GRID1: variants seen among roughly 807,000 people sequenced by gnomAD.
GRID1 encodes the protein glutamate receptor ionotropic, delta-1.
GRID1 carries 28 observed loss-of-function variants against 98.0 expected under a neutral mutation model. The observed-to-expected ratio is 0.29, with a 90% CI of 0.21 to 0.39. GRID1 has a LOEUF of 0.39. Among genes scored for constraint, GRID1 ranks in the 10% least tolerant of loss-of-function variants. The pLI, the probability that GRID1 is intolerant of heterozygous loss-of-function variation, is 1.00. For synonymous variants in GRID1, 553 were observed against 538.5 expected (o/e 1.03, Z -0.37); for missense variants, 1,111 against 1,340.5 (o/e 0.83, Z 2.67).
At chr10:86,337,655 G>C (rs1218836530) in intron 2 of GRID1, among the ~76,000 whole-genome samples, 1 of 147,012 alleles carries the variant, frequency 6.8e-6, no homozygotes, top group Non-Finnish European at 1.5e-5. Flanking sequence ...CAGTTTATTT[G>C]CTCACCTTAT....
At chr10:86,101,782 T>C (rs1396499211) in intron 4 of GRID1, among the ~76,000 whole-genome samples, 1 of 152,094 alleles carries the variant, frequency 6.6e-6, no homozygotes, top group Non-Finnish European at 1.5e-5. Context: ...TGGGACTACA[T>C]GGCATGCACT....
chr10:85,958,984 A>G (rs1434764198), intron 4 of GRID1, among the ~76,000 whole-genome samples: 1 of 151,846 alleles, frequency 6.6e-6, no homozygotes, highest in Non-Finnish European at 1.5e-5. Context: ...AAAGAAAGAA[A>G]GAAAGAAAAA....
intron 2 of GRID1, among the ~76,000 whole-genome samples, chr10:86,292,518 G>C (rs908793947): frequency 1.3e-5 from 2 of 152,196 alleles, no homozygotes; most frequent in Admixed American, 1.3e-4. Context: ...GATAAGCGTC[G>C]CCCCTGGCAC....
chr10:85,787,590 C>T (rs1242486097), intron 8 of GRID1, among the ~76,000 whole-genome samples: 1 of 152,194 alleles, frequency 6.6e-6, no homozygotes, highest in Non-Finnish European at 1.5e-5. Flanking sequence ...CCAGCCAGCT[C>T]CATTTCCCTT....
At chr10:86,181,973 C>A (rs1845662080) in intron 3 of GRID1, among the ~76,000 whole-genome samples, 1 of 152,222 alleles carries the variant, frequency 6.6e-6, no homozygotes, top group South Asian at 2.1e-4. Flanking sequence ...GAATTTACAA[C>A]TTAGTGTTGC....
chr10:85,981,938 G>C (rs1335283714), intron 4 of GRID1, among the ~76,000 whole-genome samples: 2 of 152,220 alleles, frequency 1.3e-5, no homozygotes, highest in East Asian at 1.9e-4. Flanking sequence ...AAAGGCCTCT[G>C]TGATGAGGCA....
intron 4 of GRID1, among the ~76,000 whole-genome samples, chr10:86,131,687 G>A (rs1271688178): frequency 3.9e-5 from 6 of 152,186 alleles, no homozygotes; most frequent in Non-Finnish European, 5.9e-5. Context: ...GCGGCACTCA[G>A]GCCTTTTTCC....
intron 12 of GRID1, among the ~76,000 whole-genome samples, chr10:85,664,542 T>C (rs1336085994): frequency 6.6e-6 from 1 of 152,194 alleles, no homozygotes; most frequent in Non-Finnish European, 1.5e-5. Context: ...TGAGGAAGCA[T>C]TGTCAACGTA....
intron 8 of GRID1, among the ~76,000 whole-genome samples, chr10:85,831,867 A>G (rs563466961): frequency 6.6e-6 from 1 of 152,224 alleles, no homozygotes; most frequent in South Asian, 2.1e-4. Context: ...ACACAAAAAT[A>G]AATTATCTAA....
chr10:85,914,370 T>A (rs1450274734), intron 5 of GRID1, among the ~76,000 whole-genome samples: 1 of 152,108 alleles, frequency 6.6e-6, no homozygotes, highest in African/African-American at 2.4e-5. Context: ...CAGGGCCACA[T>A]GGAATGCATC....
chr10:86,053,881 T>C (rs1843538320), intron 4 of GRID1, among the ~76,000 whole-genome samples: 2 of 152,282 alleles, frequency 1.3e-5, no homozygotes, highest in East Asian at 1.9e-4. Flanking sequence ...CTCACACACG[T>C]GTGCACACAT....
intron 14 of GRID1, among the ~76,000 whole-genome samples, chr10:85,617,969 G>T (rs935237525): frequency 3.9e-5 from 6 of 152,092 alleles, no homozygotes; most frequent in African/African-American, 1.4e-4. Context: ...CACTCCTTCT[G>T]CCCCCAGCAA....
intron 3 of GRID1, among the ~76,000 whole-genome samples, chr10:86,158,395 C>T (rs545726854): frequency 7.2e-5 from 11 of 152,194 alleles, no homozygotes; most frequent in Admixed American, 1.3e-4. Context: ...CTACGATGAC[C>T]ATCATCAGAA....
In GRID1 at chr10:85,613,527, C is replaced by T. The variant is rs760165703; in HGVS notation, c.2481G>A (p.Lys827=). Residue 827 remains lysine (K), a synonymous_variant, in exon 15 of 16, where the codon AAG becomes AAA. Coordinates refer to ENST00000327946, the MANE Select transcript of GRID1 (RefSeq NM_017551.3). ...AGAAGACCCCGGCGAAGCTGTGCAG[C>T]TTGAGGGATTTGCCGTCGGCCTGGG... is the stretch of plus-strand genomic sequence containing the variant. The part of the protein sequence containing the change: ...ASAQADGKSL[K]LHSFAGVFCI... The T allele has an allele frequency of 4.3e-6, 7 of 1,614,202 alleles. No individual in the cohort carries two copies. The Admixed American group carries it at 1.0e-4, about 23-fold the overall frequency.
At chr10:86,086,318 AT>A (rs1844055630) in intron 4 of GRID1, among the ~76,000 whole-genome samples, 1 of 152,208 alleles carries the variant, frequency 6.6e-6, no homozygotes, top group Admixed American at 6.5e-5. Context: ...TGGCACCCAG[AT>A]TTGGCACTAG....
At chr10:85,787,830 A>G (rs894253992) in intron 8 of GRID1, among the ~76,000 whole-genome samples, 9 of 151,874 alleles carry the variant, frequency 5.9e-5, no homozygotes, top group Admixed American at 5.9e-4. Context: ...GGGCCCCCAC[A>G]CCACCAGCCA....
intron 4 of GRID1, among the ~76,000 whole-genome samples, chr10:86,134,384 T>A (rs1477481848): frequency 6.6e-6 from 1 of 152,150 alleles, no homozygotes; most frequent in African/African-American, 2.4e-5. Flanking sequence ...GAGAGGTGGA[T>A]GACAGATGAA....
intron 12 of GRID1, among the ~76,000 whole-genome samples, chr10:85,717,787 A>G (rs1841656060): frequency 1.3e-5 from 2 of 152,230 alleles, no homozygotes; most frequent in Non-Finnish European, 2.9e-5. Context: ...CTGTAAAATC[A>G]AAAGCAAGCT....
intron 4 of GRID1, among the ~76,000 whole-genome samples, chr10:85,953,243 G>A (rs1409694936): frequency 6.6e-6 from 1 of 152,086 alleles, no homozygotes; most frequent in African/African-American, 2.4e-5. Context: ...GGAGCTGGAG[G>A]CCATTATTCT....
Sources: allele counts gnomAD v4.1 joint callset (sites outside exome capture counted in the v4.1 genomes callset), GRCh38; gene constraint gnomAD v4.1.1; transcripts MANE v1.5; gene names NCBI Gene and HGNC (gene_info 2026-07-23, HGNC 2026-07-21).